The following ZRANB3 variants were observed in gnomAD, a reference collection of about 807,000 sequenced individuals.
The protein encoded by ZRANB3 is DNA annealing helicase and endonuclease ZRANB3.
Under a neutral mutation model 133.8 loss-of-function variants are expected in ZRANB3, and 125 were observed. The ratio of observed to expected loss-of-function variants is 0.93; its 90% confidence interval spans 0.81 to 1.08. The LOEUF is 1.08. Among genes scored for constraint, ZRANB3 ranks in the 50% least tolerant of loss-of-function variants. The pLI is 0.00. For missense variants in ZRANB3, 1,229 were observed against 1,275.5 expected, an observed-to-expected ratio of 0.96 and a Z score of 0.56; for synonymous variants, 387 against 432.7, an observed-to-expected ratio of 0.89 and a Z score of 1.31.
intron 8 of ZRANB3, among the ~76,000 whole-genome samples, chr2:135,280,305 T>C (rs924427680): frequency 1.3e-5 from 2 of 152,204 alleles, no homozygotes; most frequent in African/African-American, 2.4e-5. Flanking sequence ...TGGGGGCTCA[T>C]GCCTGTAATC....
intron 8 of ZRANB3, among the ~76,000 whole-genome samples, chr2:135,294,234 T>G (rs1681915224): frequency 6.6e-6 from 1 of 152,198 alleles, no homozygotes; most frequent in African/African-American, 2.4e-5. Context: ...CTGGACTTTT[T>G]TTGGTTGGTA....
chr2:135,301,347 A>G lies in ZRANB3; in HGVS notation c.966+12142T>C, dbSNP rs113044363. ...ATTATAGGCACGCACCACCATGCCC[A>G]GCTAATTTTTGTATTTTTAGTAGAG... On this transcript the variant is annotated intron_variant, in intron 8 of 20. Coordinates refer to ENST00000264159, the MANE Select transcript of ZRANB3 (RefSeq NM_032143.4). 7.1e-3 allele frequency among the ~76,000 whole-genome samples: 1,078 copies of G among 152,010 alleles called. 10 individuals are homozygous for G. Among genetic ancestry groups the G allele is most frequent in the African/African-American group, 0.024 (1,009 of 41,466 alleles).
chr2:135,355,424 C>T lies in ZRANB3; in HGVS notation c.181-1796G>A, dbSNP rs374451637. Reference sequence around the variant, plus strand: ...TTGCCCAGGCTGGAGTGCAATAGCACGATCTCGGCTCACAGCAACCTCCAC... The same window carrying T: ...TTGCCCAGGCTGGAGTGCAATAGCATGATCTCGGCTCACAGCAACCTCCAC... On this transcript the variant is annotated intron_variant, in intron 3 of 20. Transcript: ENST00000264159. Among the ~76,000 whole-genome samples, 8 of 151,400 alleles carry T rather than the reference C, an allele frequency of 5.3e-5. No individual in the cohort carries two copies. The South Asian group carries it at 8.3e-4, about 16-fold the overall frequency.
At chr2:135,231,286 G>C (rs1248573838) in intron 12 of ZRANB3, among the ~76,000 whole-genome samples, 2 of 152,052 alleles carry the variant, frequency 1.3e-5, no homozygotes, top group Non-Finnish European at 2.9e-5. Flanking sequence ...GGTTAGAGCA[G>C]TTATATAACA....
intron 6 of ZRANB3, 165 bp downstream of exon 6, chr2:135,345,385 T>C (rs901079673): frequency 2.7e-5 from 14 of 527,796 alleles, no homozygotes; most frequent in African/African-American, 7.7e-5. Context: ...GAAGAATCGA[T>C]TGAACCCAGG....
At chr2:135,318,859 A>C (rs1683383667) in intron 6 of ZRANB3, among the ~76,000 whole-genome samples, 1 of 152,168 alleles carries the variant, frequency 6.6e-6, no homozygotes. Context: ...GGATGGGTAG[A>C]CTCCAGAGGC....
intron 1 of ZRANB3, among the ~76,000 whole-genome samples, chr2:135,514,753 G>C (rs1483710812): frequency 2.0e-5 from 3 of 152,172 alleles, no homozygotes; most frequent in Non-Finnish European, 4.4e-5. Context: ...CACCCATTCA[G>C]TATGATATTG....
At chr2:135,217,293 C>T (rs1474783731) in intron 17 of ZRANB3, among the ~76,000 whole-genome samples, 172 bp downstream of exon 17, 1 of 152,158 alleles carries the variant, frequency 6.6e-6, no homozygotes, top group Non-Finnish European at 1.5e-5. Flanking sequence ...TTGTCAAATT[C>T]ACTAGACATA....
chr2:135,278,134 C>G (rs1680929670), intron 8 of ZRANB3, among the ~76,000 whole-genome samples: 1 of 152,066 alleles, frequency 6.6e-6, no homozygotes, highest in Admixed American at 6.5e-5. Flanking sequence ...CACTACGTGT[C>G]TTTCACATTG....
chr2:135,338,425 C>T (rs1166817158), intron 6 of ZRANB3, among the ~76,000 whole-genome samples: 2 of 152,208 alleles, frequency 1.3e-5, no homozygotes, highest in African/African-American at 2.4e-5. Context: ...TCACACTATG[C>T]TGAACAGTTA....
At chr2:135,395,156 G>A (rs1012286920) in intron 2 of ZRANB3, among the ~76,000 whole-genome samples, 1 of 151,972 alleles carries the variant, frequency 6.6e-6, no homozygotes, top group African/African-American at 2.4e-5. Context: ...CAGACACACA[G>A]ACCAAAGGAA....
At chr2:135,309,617 A>T (rs1351572422) in intron 8 of ZRANB3, among the ~76,000 whole-genome samples, 2 of 152,214 alleles carry the variant, frequency 1.3e-5, no homozygotes, top group South Asian at 4.1e-4. Context: ...TTTACATTTT[A>T]AAAAATGCCA....
intron 8 of ZRANB3, among the ~76,000 whole-genome samples, chr2:135,279,262 G>A (rs1400411750): frequency 6.6e-6 from 1 of 152,074 alleles, no homozygotes; most frequent in Non-Finnish European, 1.5e-5. Context: ...TCATACATAT[G>A]ACTATAAAGT....
intron 2 of ZRANB3, among the ~76,000 whole-genome samples, chr2:135,417,272 C>A (rs1387486678): frequency 3.3e-5 from 5 of 151,948 alleles, no homozygotes; most frequent in African/African-American, 1.2e-4. Flanking sequence ...AAGAAAAAAA[C>A]AAACAACCCC....
chr2:135,372,751 C>T (rs1423900719), intron 3 of ZRANB3, among the ~76,000 whole-genome samples: 2 of 147,782 alleles, frequency 1.4e-5, no homozygotes, highest in Admixed American at 1.4e-4. Context: ...TGCGCCACTG[C>T]ACTCCAGCCT....
chr2:135,499,944 T>C (rs1009176710), intron 2 of ZRANB3, among the ~76,000 whole-genome samples: 3 of 152,088 alleles, frequency 2.0e-5, no homozygotes, highest in Non-Finnish European at 2.9e-5. Flanking sequence ...ATGTAACCAA[T>C]ATGACTAGTG....
chr2:135,257,563 T>A lies in ZRANB3; in HGVS notation c.1539+7971A>T, dbSNP rs1305922241. 3.3e-5 allele frequency among the ~76,000 whole-genome samples: 5 copies of A among 152,232 alleles called. No homozygotes were observed. In the East Asian group the frequency reaches 9.6e-4, roughly 29 times the overall value. On this transcript the variant is annotated intron_variant, in intron 12 of 20. Transcript: ENST00000264159. Reference sequence around the variant, plus strand: ...ATTCCAATCAACAATATATGAGTCTTCTAATTTCTCTACATCATTGCCAAT... The same window carrying A: ...ATTCCAATCAACAATATATGAGTCTACTAATTTCTCTACATCATTGCCAAT...
chr2:135,250,748 C>T (rs1274406407), intron 12 of ZRANB3, among the ~76,000 whole-genome samples: 5 of 152,184 alleles, frequency 3.3e-5, no homozygotes, highest in East Asian at 1.9e-4. Flanking sequence ...TGGGAACCTC[C>T]GCCTGGATTT....
chr2:135,521,933 G>A (rs1327864043), intron 1 of ZRANB3, among the ~76,000 whole-genome samples: 3 of 152,122 alleles, frequency 2.0e-5, no homozygotes, highest in Non-Finnish European at 4.4e-5. Flanking sequence ...TCCCCTGTGT[G>A]AGACACCCAT....
Sources: allele counts gnomAD v4.1 joint callset (sites outside exome capture counted in the v4.1 genomes callset), GRCh38; gene constraint gnomAD v4.1.1; transcripts MANE v1.5; gene names NCBI Gene and HGNC (gene_info 2026-07-23, HGNC 2026-07-21).